HARS1: variants seen among roughly 807,000 people sequenced by gnomAD.
HARS1 encodes the protein histidyl-tRNA synthetase 1.
A neutral mutation model predicts 63.6 loss-of-function variants in HARS1; 45 were observed. The ratio of observed to expected loss-of-function variants is 0.71; its 90% CI spans 0.56 to 0.91. The LOEUF is 0.91. Among genes scored for constraint, HARS1 ranks in the 40% least tolerant of loss-of-function variants. The pLI is 0.00. For synonymous variants in HARS1, 205 were observed against 247.1 expected (o/e 0.83, Z 1.60); for missense variants, 508 against 643.2 (o/e 0.79, Z 2.27).
chr5:140,681,904 A>G (rs558573147), intron 3 of HARS1, among the ~76,000 whole-genome samples: 1 of 152,372 alleles, frequency 6.6e-6, no homozygotes, highest in Non-Finnish European at 1.5e-5. Context: ...TCTCATAAAT[A>G]TGTACAATTA....
chr5:140,687,860 T>C (rs1759132062), intron 2 of HARS1: 1 of 152,172 alleles, frequency 6.6e-6, no homozygotes, highest in African/African-American at 2.4e-5. Flanking sequence ...CCCAGCACTT[T>C]AGGAGGCCGA....
Position 140,677,923 on chromosome 5 carries a change from G to A in HARS1, c.615C>T (p.Gly205=), listed in dbSNP as rs371470801. The part of the protein sequence containing the change: ...MCEILSSLQI[G]DFLVKVNDRR... ...CAGCTCTGACCTTGACCAGGAAGTCGCCTATCTGAAGTGAACTCAGGATCT... is the reference window on the plus strand; with the variant it reads ...CAGCTCTGACCTTGACCAGGAAGTCACCTATCTGAAGTGAACTCAGGATCT... Residue 205 remains glycine, a synonymous_variant, in exon 6 of 13, where the codon GGC becomes GGT. Coordinates refer to ENST00000504156, the MANE Select transcript of HARS1 (RefSeq NM_002109.6). 52 of 1,605,780 alleles carry A rather than the reference G, an allele frequency of 3.2e-5. No individual in the cohort carries two copies. The Admixed American group carries it at 4.3e-4, about 13-fold the overall frequency.
intron 5 of HARS1, 47 bp downstream of exon 5, chr5:140,678,955 G>T: frequency 6.2e-7 from 1 of 1,601,942 alleles, no homozygotes; most frequent in South Asian, 1.1e-5. Context: ...GCTGGCTTGA[G>T]AGAGCCCCAA....
intron 12 of HARS1, 151 bp downstream of exon 12, chr5:140,674,528 A>G (rs1032293045): frequency 3.3e-6 from 3 of 915,418 alleles, no homozygotes; most frequent in African/African-American, 1.6e-5. Flanking sequence ...ATCTCACCCT[A>G]CTAAGACCAC....
At chr5:140,688,417 C>T (rs1310104171) in intron 2 of HARS1, among the ~76,000 whole-genome samples, 1 of 151,980 alleles carries the variant, frequency 6.6e-6, no homozygotes, top group Admixed American at 6.6e-5. Context: ...TTAAATAAAT[C>T]CCAGACGTCA....
chr5:140,682,682 T>A (rs988964288), intron 3 of HARS1: 1 of 155,498 alleles, frequency 6.4e-6, no homozygotes, highest in African/African-American at 2.4e-5. Context: ...TTCAGCCTCC[T>A]GAGAAGCAGG....
chr5:140,674,108 C>G lies in HARS1; in HGVS notation c.*149G>C, dbSNP rs1334605505. The G allele has an allele frequency of 1.4e-6, 1 of 692,670 alleles. No individual in the cohort carries two copies. The highest frequency in any genetic ancestry group is 2.7e-6 in the Non-Finnish European group (1 of 374,470). 42.9% of individuals were successfully genotyped at this position (692,670 alleles called of 1,614,324 possible). ...TTGCCAGTAATAATCAATAAAATAACCATAATAAAAATCAAAGGCTCTGTT... is the reference window on the plus strand; with the variant it reads ...TTGCCAGTAATAATCAATAAAATAAGCATAATAAAAATCAAAGGCTCTGTT... On this transcript the variant is annotated 3_prime_UTR_variant, in exon 13 of 13. Transcript: ENST00000504156.
chr5:140,688,185 TGAAA>T (rs1466286821), intron 2 of HARS1, among the ~76,000 whole-genome samples: 1 of 152,166 alleles, frequency 6.6e-6, no homozygotes, highest in Non-Finnish European at 1.5e-5. Flanking sequence ...GAAGATCCCT[TGAAA>T]GAGTCTTGTC....
intron 2 of HARS1, among the ~76,000 whole-genome samples, chr5:140,689,448 A>T (rs1759236619): frequency 8.0e-6 from 1 of 124,458 alleles, no homozygotes; most frequent in Non-Finnish European, 1.8e-5. Context: ...TTATTGTTAG[A>T]TTTCAAAAGG....
In HARS1 at chr5:140,676,855, G is replaced by A. The variant is rs749941698; in HGVS notation, c.993C>T (p.Tyr331=). 8 of 1,613,986 alleles carry A rather than the reference G, an allele frequency of 5.0e-6. No individual in the cohort carries two copies. Among genetic ancestry groups the A allele is most frequent in the Non-Finnish European group, 6.8e-6 (8 of 1,179,920 alleles). ...GCACTGCCTCATAGATCACCCCAGT[G>A]TAGTAATCCAGCCCTCGAGCAAGGC... The part of the protein sequence containing the change: ...DLSLARGLDY[Y]TGVIYEAVLL... Residue 331 remains tyrosine, a synonymous_variant, in exon 10 of 13, where the codon TAC becomes TAT. Transcript: ENST00000504156. This position sits in a 1 kb window ranked among gnomAD's most constrained non-coding sequence, Gnocchi z 4.1.
chr5:140,681,069 C>T (rs749772263), intron 3 of HARS1, among the ~76,000 whole-genome samples: 11 of 151,972 alleles, frequency 7.2e-5, no homozygotes, highest in African/African-American at 1.7e-4. Context: ...TGTCTATCAT[C>T]GGTAATAGCA....
intron 12 of HARS1, 37 bp downstream of exon 12, chr5:140,674,642 T>C: frequency 6.2e-7 from 1 of 1,612,822 alleles, no homozygotes; most frequent in Non-Finnish European, 8.5e-7. Context: ...ATGGCATACA[T>C]TCTCTGTCCC....
chr5:140,686,123 C>T (rs943980663), intron 2 of HARS1, among the ~76,000 whole-genome samples: 4 of 151,520 alleles, frequency 2.6e-5, no homozygotes, highest in Non-Finnish European at 4.4e-5. Context: ...TTAGTAGAGA[C>T]GGGGTTCCAC....
chr5:140,682,765 T>C (rs1365635679), intron 3 of HARS1: 4 of 192,774 alleles, frequency 2.1e-5, no homozygotes, highest in Non-Finnish European at 4.2e-5. Flanking sequence ...AGTCCATCAA[T>C]AGGAGAGTGG....
At position 140,677,399 on chromosome 5, in the gene HARS1, T is replaced by C; in HGVS notation, c.751A>G (p.Asn251Asp). 6.2e-7 allele frequency: 1 copy of C among 1,613,516 alleles called. No individual in the cohort carries two copies. Among genetic ancestry groups the C allele is most frequent in the East Asian group, 2.2e-5 (1 of 44,860 alleles). ...LDKVSWEEVK[N>D]EMVGEKGLAP... ...AGGCCCTTCTCTCCCACCATCTCAT[T>C]CTTCACCTCTTCCCAGGACACCTAG... Residue 251 changes from asparagine to aspartate, a missense_variant, in exon 8 of 13, where the codon AAT (asparagine) becomes GAT (aspartate). By Grantham distance (23) the Asn-to-Asp change is conservative. Around this residue, in one of 2 missense-constraint regions of HARS1, gnomAD observed 403 missense variants for 548.7 expected, o/e 0.73. Transcript: ENST00000504156.
intron 2 of HARS1, chr5:140,687,796 T>C (rs1398259953): frequency 6.6e-6 from 1 of 152,116 alleles, no homozygotes; most frequent in Admixed American, 6.6e-5. Flanking sequence ...AAAAGGCAGA[T>C]AATGTCTTAG....
At position 140,676,763 on chromosome 5, in the gene HARS1, C is replaced by A; in HGVS notation, c.1085G>T (p.Arg362Leu). Reference protein sequence around the residue: ...LGVGSVAAGGRYDGLVGMFDP... With the variant: ...LGVGSVAAGGLYDGLVGMFDP... ...GAACATGCCCACTAGCCCATCATAGCGTCCTCCAGCAGCCACACTGCCCAC... is the reference window on the plus strand; with the variant it reads ...GAACATGCCCACTAGCCCATCATAGAGTCCTCCAGCAGCCACACTGCCCAC... Residue 362 changes from arginine to leucine, a missense_variant, in exon 10 of 13, where the codon CGC becomes CTC. Arg to Leu is a moderately radical substitution (Grantham distance 102). Transcript: ENST00000504156. The surrounding 1 kb of genome is among the most constrained non-coding windows in gnomAD (Gnocchi z 4.1). 6.2e-7 allele frequency: 1 copy of A among 1,614,242 alleles called. No individual in the cohort carries two copies. Among genetic ancestry groups the A allele is most frequent in the South Asian group, 1.1e-5 (1 of 91,090 alleles).
Position 140,676,500 on chromosome 5 carries a change from T to C in HARS1, c.1194+154A>G. Reference sequence around the variant, plus strand: ...AAAGATCCATAAAACTTACATATAATGGGGTAGAAATCTGTGAAAAAGAGC... The same window carrying C: ...AAAGATCCATAAAACTTACATATAACGGGGTAGAAATCTGTGAAAAAGAGC... On this transcript the variant is annotated intron_variant, in intron 10 of 12. Coordinates refer to ENST00000504156, the MANE Select transcript of HARS1 (RefSeq NM_002109.6). The surrounding 1 kb of genome is among the most constrained non-coding windows in gnomAD (Gnocchi z 4.1). 3.8e-6 allele frequency: 3 copies of C among 781,216 alleles called. No individual in the cohort carries two copies. Among genetic ancestry groups the C allele is most frequent in the South Asian group, 1.7e-5 (1 of 57,902 alleles). 48.4% of individuals were successfully genotyped at this position (781,216 alleles called of 1,614,324 possible).
Position 140,691,277 on chromosome 5 carries a change from G to A in HARS1, c.28C>T (p.Leu10=), listed in dbSNP as rs767785210. Residue 10 remains leucine, a synonymous_variant, in exon 1 of 13, where the codon CTG becomes TTG. Coordinates refer to ENST00000504156, the MANE Select transcript of HARS1 (RefSeq NM_002109.6). The part of the protein sequence containing the change: MAERAALEE[L]VKLQGERVRG... The stretch of plus-strand genomic sequence containing the variant: ...ACGCGCTCTCCCTGAAGTTTCACCA[G>A]CTCCTCCAGCGCCGCACGCTCTGCC... 3 of 1,607,986 alleles carry A rather than the reference G, an allele frequency of 1.9e-6. No individual in the cohort carries two copies. The highest frequency in any genetic ancestry group is 2.5e-6 in the Non-Finnish European group (3 of 1,179,442).
Sources: allele counts gnomAD v4.1 joint callset (sites outside exome capture counted in the v4.1 genomes callset), GRCh38; gene constraint gnomAD v4.1.1; regional missense constraint gnomAD v4.1.1; non-coding constraint Gnocchi (gnomAD v3.1); transcripts MANE v1.5; gene names NCBI Gene and HGNC (gene_info 2026-07-23, HGNC 2026-07-21).